Variants in RAPGEF5 observed in about 807,000 individuals in gnomAD.
The protein encoded by RAPGEF5 is Rap guanine nucleotide exchange factor 5.
In RAPGEF5, 65 loss-of-function variants were observed where a neutral mutation model predicts 125.2. That is an observed-to-expected ratio of 0.52 (90% CI 0.43 to 0.64). The LOEUF (loss-of-function observed/expected upper bound fraction) is 0.64. RAPGEF5 is among the 30% of genes least tolerant of loss of function. The probability of loss-of-function intolerance (pLI) is 0.00; values close to 1 mark genes in which losing one functional copy is unlikely to be tolerated. For missense variants in RAPGEF5, 958 were observed against 1,048.1 expected (o/e 0.91, Z 1.19); for synonymous variants, 391 against 385.9 (o/e 1.01, Z -0.16).
chr7:22,284,799 A>G (rs957879372), intron 6 of RAPGEF5, among the ~76,000 whole-genome samples: 2 of 152,214 alleles, frequency 1.3e-5, no homozygotes, highest in Non-Finnish European at 1.5e-5. Context: ...AGAAAAAGGC[A>G]GATAGCCAGG....
chr7:22,224,441 C>A lies in RAPGEF5; in HGVS notation c.871-4450G>T, dbSNP rs1051728855. Among the ~76,000 whole-genome samples, 8 of 152,138 alleles carry A rather than the reference C, an allele frequency of 5.3e-5. No individual in the cohort carries two copies. In the South Asian group the frequency reaches 6.2e-4, roughly 12 times the overall value. On this transcript the variant is annotated intron_variant, in intron 8 of 25. Transcript: ENST00000665637. ...TAGAAAATTCATGTACGTCAACCAGCGAGGATTTCTTCTCTCTCTTTCCAT... is the reference window on the plus strand; with the variant it reads ...TAGAAAATTCATGTACGTCAACCAGAGAGGATTTCTTCTCTCTCTTTCCAT...
chr7:22,255,220 C>T (rs900636128), intron 7 of RAPGEF5, among the ~76,000 whole-genome samples: 1 of 152,064 alleles, frequency 6.6e-6, no homozygotes, highest in African/African-American at 2.4e-5. Flanking sequence ...TTAGAAAAAA[C>T]AATTTAACGT....
chr7:22,217,048 T>C (rs964936523), intron 9 of RAPGEF5, among the ~76,000 whole-genome samples: 2 of 152,368 alleles, frequency 1.3e-5, no homozygotes, highest in East Asian at 3.9e-4. Flanking sequence ...TTGGCATCTA[T>C]GTGGCATTCT....
chr7:22,264,825 C>G (rs1009817352), intron 7 of RAPGEF5, among the ~76,000 whole-genome samples: 1 of 152,168 alleles, frequency 6.6e-6, no homozygotes, highest in Non-Finnish European at 1.5e-5. Flanking sequence ...TACTTCTCTA[C>G]TTTATTCTGA....
intron 14 of RAPGEF5, among the ~76,000 whole-genome samples, chr7:22,159,897 T>C (rs1247440278): frequency 2.6e-5 from 4 of 151,954 alleles, no homozygotes; most frequent in South Asian, 2.1e-4. Context: ...TCACCTGAGG[T>C]TGGGAGTTCA....
chr7:22,144,107 G>C (rs796749659), intron 20 of RAPGEF5, among the ~76,000 whole-genome samples: 1 of 152,188 alleles, frequency 6.6e-6, no homozygotes, highest in Admixed American at 6.5e-5. Flanking sequence ...GCTGTCCAAA[G>C]AACAGACCCT....
At chr7:22,329,746 G>T (rs78452172) in intron 1 of RAPGEF5, among the ~76,000 whole-genome samples, 2,697 of 152,238 alleles carry the variant, frequency 0.018, 71 homozygotes, top group African/African-American at 0.06. Flanking sequence ...CAGGTCCAGG[G>T]TCAGGATCCA....
chr7:22,193,111 T>C (rs1785045795), intron 11 of RAPGEF5: 2 of 541,166 alleles, frequency 3.7e-6, no homozygotes, highest in African/African-American at 1.9e-5. Flanking sequence ...TTGGGAAAAA[T>C]TGCCAAAGAA....
chr7:22,157,818 G>A (rs367550377), intron 15 of RAPGEF5, 37 bp downstream of exon 15: 33 of 1,591,080 alleles, frequency 2.1e-5, no homozygotes, highest in Admixed American at 3.3e-5. Flanking sequence ...TCTCCAAACC[G>A]GATCACCTAA....
intron 5 of RAPGEF5, among the ~76,000 whole-genome samples, chr7:22,305,737 A>T (rs1002401245): frequency 6.6e-6 from 1 of 152,082 alleles, no homozygotes; most frequent in Admixed American, 6.6e-5. Context: ...TCTGGTAACC[A>T]TCCTTCTACT....
intron 8 of RAPGEF5, among the ~76,000 whole-genome samples, chr7:22,228,924 T>G (rs1432674487): frequency 6.6e-6 from 1 of 152,152 alleles, no homozygotes; most frequent in Non-Finnish European, 1.5e-5. Context: ...AACTCTCCTA[T>G]GTGCCGGGAT....
intron 6 of RAPGEF5, 133 bp downstream of exon 6, chr7:22,291,042 G>A (rs925002585): frequency 2.0e-6 from 2 of 987,652 alleles, no homozygotes; most frequent in Non-Finnish European, 2.8e-6. Context: ...CCTCTGCCTT[G>A]CCTCATACCT....
intron 7 of RAPGEF5, among the ~76,000 whole-genome samples, chr7:22,236,278 G>T (rs903186280): frequency 6.6e-6 from 1 of 152,072 alleles, no homozygotes; most frequent in Non-Finnish European, 1.5e-5. Flanking sequence ...CTGCAATACA[G>T]TTTATTCTCA....
intron 25 of RAPGEF5, among the ~76,000 whole-genome samples, chr7:22,122,945 A>C (rs554261146): frequency 6.6e-6 from 1 of 152,244 alleles, no homozygotes; most frequent in African/African-American, 2.4e-5. Flanking sequence ...CTCAGTCTAG[A>C]AGCGTTGAAA....
rs1283398445 is a variant in RAPGEF5, at chr7:22,317,544, A to T, written c.282+443T>A. ...CGTGAGCCACCATGCCCAGCCAAAA[A>T]ATGCAACTCTTTATTGACTGATTCT... On this transcript the variant is annotated intron_variant, in intron 2 of 25. Coordinates refer to ENST00000665637, the MANE Select transcript of RAPGEF5 (RefSeq NM_012294.5). Among the ~76,000 whole-genome samples the T allele has an allele frequency of 2.0e-5, 3 of 152,190 alleles. No homozygotes were observed. The East Asian group carries it at 5.8e-4, about 29-fold the overall frequency.
At chr7:22,274,446 C>G (rs530405498) in intron 6 of RAPGEF5, among the ~76,000 whole-genome samples, 1 of 152,294 alleles carries the variant, frequency 6.6e-6, no homozygotes, top group Non-Finnish European at 1.5e-5. Context: ...TCTCCTGCCT[C>G]AGCCTCCCGA....
At chr7:22,181,305 T>C (rs1282060397) in intron 11 of RAPGEF5, among the ~76,000 whole-genome samples, 2 of 152,122 alleles carry the variant, frequency 1.3e-5, no homozygotes, top group Non-Finnish European at 2.9e-5. Context: ...GTGAAGAATA[T>C]TGAAAGGGAT....
intron 21 of RAPGEF5, among the ~76,000 whole-genome samples, chr7:22,138,314 C>T (rs927975464): frequency 6.6e-6 from 1 of 152,190 alleles, no homozygotes; most frequent in Non-Finnish European, 1.5e-5. Context: ...CATTCAGGCA[C>T]GTACTACAGC....
chr7:22,281,305 G>A (rs993897323), intron 6 of RAPGEF5, among the ~76,000 whole-genome samples: 3 of 152,248 alleles, frequency 2.0e-5, no homozygotes, highest in East Asian at 1.9e-4. Context: ...TCTGCTTTCC[G>A]AGCTCAAGCC....
Sources: allele counts gnomAD v4.1 joint callset (sites outside exome capture counted in the v4.1 genomes callset), GRCh38; gene constraint gnomAD v4.1.1; transcripts MANE v1.5; gene names NCBI Gene and HGNC (gene_info 2026-07-23, HGNC 2026-07-21).